Variants in COBL observed in about 807,000 individuals in gnomAD.
COBL encodes protein cordon-bleu.
COBL carries 51 observed loss-of-function variants against 98.8 expected under a neutral mutation model. That is an observed-to-expected ratio of 0.52 (90% CI 0.41 to 0.65). The LOEUF is 0.65. Ranked by LOEUF, COBL falls within the 30% of genes least tolerant of loss-of-function variation. The probability of loss-of-function intolerance (pLI) is 0.00; values close to 1 mark genes in which losing one functional copy is unlikely to be tolerated. For missense variants in COBL, 1,617 were observed against 1,617.5 expected (o/e 1.00, Z 0.01); for synonymous variants, 634 against 651.7 (o/e 0.97, Z 0.41).
At chr7:51,162,953 G>A (rs1038299937) in intron 5 of COBL, among the ~76,000 whole-genome samples, 1 of 152,222 alleles carries the variant, frequency 6.6e-6, no homozygotes, top group Non-Finnish European at 1.5e-5. Flanking sequence ...AATGTTTCCT[G>A]TAAAGCAAGA....
At chr7:51,083,852 G>A (rs1793930240) in intron 7 of COBL, among the ~76,000 whole-genome samples, 1 of 152,144 alleles carries the variant, frequency 6.6e-6, no homozygotes, top group Non-Finnish European at 1.5e-5. Context: ...GGAATCAGGG[G>A]GTCCTGCCCT....
At chr7:51,146,520 T>TGTGGGA (rs1785044625) in intron 5 of COBL, among the ~76,000 whole-genome samples, 1 of 152,150 alleles carries the variant, frequency 6.6e-6, no homozygotes, top group African/African-American at 2.4e-5. Context: ...TAGCATGACC[T>TGTGGGA]GTGGGACTCA....
rs142295470 is a variant in COBL, at chr7:51,228,385, C to T, written c.42-8441G>A. ...AATTTTTTTACTATTATTATTAGCA[C>T]GCTTACTCTTTTGGATTAAAAAAAA... On this transcript the variant is annotated intron_variant, in intron 1 of 12. Coordinates refer to ENST00000265136, the MANE Select transcript of COBL (RefSeq NM_015198.5). Among the ~76,000 whole-genome samples, 1,039 of 142,270 alleles carry T rather than the reference C, an allele frequency of 7.3e-3. 14 individuals carry two copies. Among genetic ancestry groups the T allele is most frequent in the African/African-American group, 0.025 (981 of 39,888 alleles). The allele number at this position is 142,270 out of a possible 152,430, so 93.3% of individuals were successfully genotyped here.
At chr7:51,274,127 G>A (rs1230203384) in intron 1 of COBL, among the ~76,000 whole-genome samples, 1 of 152,124 alleles carries the variant, frequency 6.6e-6, no homozygotes, top group East Asian at 1.9e-4. Flanking sequence ...CCCCAGCACA[G>A]GACCTGCAGC....
chr7:51,058,898 CG>C (rs1266813279), intron 7 of COBL, among the ~76,000 whole-genome samples: 2 of 152,210 alleles, frequency 1.3e-5, no homozygotes, highest in African/African-American at 4.8e-5. Flanking sequence ...TATCCCAGGC[CG>C]GGGCTACTGT....
At chr7:51,213,637 G>A (rs1160523901) in intron 2 of COBL, among the ~76,000 whole-genome samples, 1 of 152,170 alleles carries the variant, frequency 6.6e-6, no homozygotes, top group Non-Finnish European at 1.5e-5. Flanking sequence ...AAGTCTAGGT[G>A]TGAGGCTGAG....
intron 5 of COBL, chr7:51,156,591 T>A: frequency 2.0e-6 from 2 of 985,132 alleles, no homozygotes; most frequent in Non-Finnish European, 2.4e-6. Context: ...AATTCTCTGA[T>A]CCTTCTCACC....
In COBL at chr7:51,085,215, CA is replaced by C; in HGVS notation, c.1046del (p.Leu349ArgfsTer18). 6.2e-7 allele frequency: 1 copy of C among 1,614,074 alleles called. No individual in the cohort carries two copies. The highest frequency in any genetic ancestry group is 2.2e-5 in the East Asian group (1 of 44,874). On this transcript the variant is annotated frameshift_variant, in exon 7 of 13. Transcript: ENST00000265136. LOFTEE classifies it high-confidence loss of function. ...PPPQPPPPSP[L>X]IPNRTEDKEE... The stretch of plus-strand genomic sequence containing the variant: ...CCTTATCCTCAGTGCGGTTGGGGAT[CA>C]GGGGACTCGGTGGTGGTGGCTGTGG...
chr7:51,212,518 T>A (rs1008985532), intron 2 of COBL, among the ~76,000 whole-genome samples: 9 of 152,240 alleles, frequency 5.9e-5, no homozygotes, highest in African/African-American at 1.9e-4. Context: ...ACAAGCCAGC[T>A]GTCCTACCAG....
intron 12 of COBL, among the ~76,000 whole-genome samples, chr7:51,024,240 C>T (rs1198045435): frequency 1.3e-5 from 2 of 151,950 alleles, no homozygotes; most frequent in Admixed American, 1.3e-4. Context: ...ACCCGGGAGG[C>T]GGAGCTTGCA....
intron 4 of COBL, among the ~76,000 whole-genome samples, chr7:51,186,565 T>G: frequency 6.6e-6 from 1 of 152,234 alleles, no homozygotes; most frequent in East Asian, 1.9e-4. Flanking sequence ...CTCTAAGGAC[T>G]GAGGTCGGCT....
intron 1 of COBL, among the ~76,000 whole-genome samples, chr7:51,256,565 T>A (rs1226989019): frequency 6.6e-6 from 1 of 152,236 alleles, no homozygotes; most frequent in African/African-American, 2.4e-5. Flanking sequence ...GAAGATGCCC[T>A]GGGGCAGCAC....
chr7:51,043,747 G>T, intron 7 of COBL, 55 bp from the exon 8 acceptor site: 1 of 1,480,968 alleles, frequency 6.8e-7, no homozygotes, highest in Non-Finnish European at 9.2e-7. Flanking sequence ...CGTCCATACT[G>T]CCTAACAAGT....
At chr7:51,126,673 T>C (rs894957283) in intron 6 of COBL, among the ~76,000 whole-genome samples, 1 of 152,180 alleles carries the variant, frequency 6.6e-6, no homozygotes, top group Admixed American at 6.5e-5. Flanking sequence ...GTGACTGATC[T>C]GGACGTCGTC....
chr7:51,122,037 A>G (rs762633330), intron 6 of COBL, among the ~76,000 whole-genome samples: 2 of 152,208 alleles, frequency 1.3e-5, no homozygotes, highest in Non-Finnish European at 2.9e-5. Flanking sequence ...CCATGTTGCT[A>G]AACTGTCAAC....
intron 1 of COBL, among the ~76,000 whole-genome samples, chr7:51,238,475 G>A (rs1424023707): frequency 6.6e-6 from 1 of 152,080 alleles, no homozygotes; most frequent in East Asian, 1.9e-4. Context: ...AGCAACACCG[G>A]GTAGAGCAGT....
chr7:51,111,649 A>G (rs1796835118), intron 6 of COBL, among the ~76,000 whole-genome samples: 1 of 151,892 alleles, frequency 6.6e-6, no homozygotes, highest in Admixed American at 6.5e-5. Context: ...ATGTCACAGA[A>G]AAGAAACAGC....
At chr7:51,093,087 G>C (rs1220634893) in intron 6 of COBL, among the ~76,000 whole-genome samples, 2 of 152,146 alleles carry the variant, frequency 1.3e-5, no homozygotes, top group African/African-American at 2.4e-5. Flanking sequence ...AGAGTGAAGA[G>C]ACAATCCATG....
chr7:51,075,483 G>A (rs1792981916), intron 7 of COBL, among the ~76,000 whole-genome samples: 1 of 152,156 alleles, frequency 6.6e-6, no homozygotes, highest in Non-Finnish European at 1.5e-5. Context: ...GTAATGAAAT[G>A]TACTAAAATA....
Sources: allele counts gnomAD v4.1 joint callset (sites outside exome capture counted in the v4.1 genomes callset), GRCh38; gene constraint gnomAD v4.1.1; transcripts MANE v1.5; gene names NCBI Gene and HGNC (gene_info 2026-07-23, HGNC 2026-07-21).